The following SOX5 variants were observed in gnomAD, a reference collection of about 807,000 sequenced individuals.
SOX5 encodes transcription factor SOX-5.
In SOX5, 9 loss-of-function variants were observed where a neutral mutation model predicts 92.0. That is an observed-to-expected ratio of 0.10 (90% CI 0.06 to 0.17). The LOEUF is 0.17. Ranked by LOEUF, SOX5 falls within the 10% of genes least tolerant of loss-of-function variation. The pLI, the probability that SOX5 is intolerant of heterozygous loss-of-function variation, is 1.00. For missense variants in SOX5, 642 were observed against 944.5 expected (o/e 0.68, Z 4.20); for synonymous variants, 344 against 336.3 (o/e 1.02, Z -0.25).
In SOX5 at chr12:23,546,554, G is replaced by A. The variant is rs1190990286; in HGVS notation, c.1489-130C>T. 6.8e-5 allele frequency: 41 copies of A among 603,082 alleles called. 1 individual carries two copies. Among genetic ancestry groups the A allele is most frequent in the South Asian group, 3.3e-4 (16 of 48,130 alleles). The allele number at this position is 603,082 out of a possible 1,614,324, so 37.4% of individuals were successfully genotyped here. A position where few individuals can be genotyped will look rare whatever the true frequency, so the allele number is the denominator to read the frequency against. The stretch of plus-strand genomic sequence containing the variant: ...AATGTTGATATATTCACCTTTTTAC[G>A]TTCAGCACATTAACCTGAAGTCATT... On this transcript the variant is annotated intron_variant, in intron 11 of 14. Transcript: ENST00000451604.
At position 23,530,845 on chromosome 12, in the gene SOX5, G is replaced by C. The variant is rs887604220; in HGVS notation, c.*3374C>G. The C allele has an allele frequency of 6.6e-6, 1 of 150,860 alleles. No homozygotes were observed. Among genetic ancestry groups the C allele is most frequent in the East Asian group, 2.0e-4 (1 of 5,036 alleles). The allele number at this position is 150,860 out of a possible 1,614,324, so 9.3% of individuals were successfully genotyped here. ...CGCGCGCGCGCGCGCGCATGTGAGA[G>C]AGAGAGAGAAAGGGAAAGAGATAAA... On this transcript the variant is annotated 3_prime_UTR_variant, in exon 15 of 15. Coordinates refer to ENST00000451604, the MANE Select transcript of SOX5 (RefSeq NM_006940.6).
At chr12:24,049,638 GTTTTTTTTTTTTTTTTTTTT>G (rs527647441) in intron 4 of SOX5, among the ~76,000 whole-genome samples, 65 of 73,776 alleles carry the variant, frequency 8.8e-4, no homozygotes, top group African/African-American at 3.6e-3. Context: ...ATCCTTCATA[GTTTTTTTTTTTTTTTTTTTT>G]TTTTTTTTTT....
chr12:24,546,933 T>A (rs1383061225), intron 1 of SOX5, among the ~76,000 whole-genome samples: 1 of 152,148 alleles, frequency 6.6e-6, no homozygotes, highest in African/African-American at 2.4e-5. Flanking sequence ...CATAGGCCAT[T>A]ATTAGCTCCA....
Position 24,492,947 on chromosome 12 carries a change from G to A in SOX5, c.-251+69382C>T, listed in dbSNP as rs540934690. On this transcript the variant is annotated intron_variant, in intron 1 of 4. Coordinates refer to the SOX5 transcript ENST00000446891. ...TGACTTCTTCAGTTTTTCTGCTCCA[G>A]TAAACAAAATATTTTAATTGCCATG... 9.2e-5 allele frequency among the ~76,000 whole-genome samples: 14 copies of A among 152,188 alleles called. No homozygotes were observed. In the East Asian group the frequency reaches 2.3e-3, roughly 25 times the overall value.
At chr12:23,571,122 C>T (rs574023754) in intron 10 of SOX5, among the ~76,000 whole-genome samples, 24 of 147,508 alleles carry the variant, frequency 1.6e-4, no homozygotes, top group South Asian at 4.3e-4. Flanking sequence ...ACACTCCAGC[C>T]GGGACAACAG....
At chr12:23,922,949 T>C (rs539903901) in intron 1 of SOX5, among the ~76,000 whole-genome samples, 10 of 151,898 alleles carry the variant, frequency 6.6e-5, no homozygotes, top group Middle Eastern at 3.4e-3. Flanking sequence ...CCTTCTTTTT[T>C]TTTTTTTTGT....
At chr12:23,833,825 T>G (rs1051647385) in intron 3 of SOX5, among the ~76,000 whole-genome samples, 2 of 150,326 alleles carry the variant, frequency 1.3e-5, no homozygotes, top group Admixed American at 6.6e-5. Context: ...AAAAGAAGAG[T>G]GTGAGGATAT....
intron 4 of SOX5, among the ~76,000 whole-genome samples, chr12:24,197,831 G>A (rs938614417): frequency 6.6e-6 from 1 of 152,184 alleles, no homozygotes; most frequent in Non-Finnish European, 1.5e-5. Flanking sequence ...TGTCACTCGG[G>A]TTCCTGTTAC....
chr12:24,182,526 G>A (rs1955604338), intron 4 of SOX5, among the ~76,000 whole-genome samples: 1 of 151,350 alleles, frequency 6.6e-6, no homozygotes, highest in African/African-American at 2.4e-5. Context: ...GGATTTTGTT[G>A]TTGTTGATGG....
intron 4 of SOX5, among the ~76,000 whole-genome samples, chr12:24,113,789 G>A (rs1947654604): frequency 1.3e-5 from 2 of 152,178 alleles, no homozygotes; most frequent in African/African-American, 4.8e-5. Context: ...GCAACTGGGT[G>A]CCCTGTTATC....
intron 9 of SOX5, among the ~76,000 whole-genome samples, chr12:23,578,014 A>G (rs1314207689): frequency 2.0e-5 from 3 of 149,010 alleles, no homozygotes; most frequent in African/African-American, 7.4e-5. Flanking sequence ...TCAGCTACTC[A>G]GGAGGCTAAG....
intron 2 of SOX5, among the ~76,000 whole-genome samples, chr12:24,293,520 A>G (rs999344238): frequency 6.6e-6 from 1 of 152,198 alleles, no homozygotes; most frequent in Admixed American, 6.5e-5. Flanking sequence ...AACATAACAT[A>G]CAAATACTTC....
At position 24,054,481 on chromosome 12, in the gene SOX5, C is replaced by G. The variant is rs1350082319; in HGVS notation, c.-1-158457G>C. On this transcript the variant is annotated intron_variant, in intron 4 of 4. Transcript: ENST00000446891. The stretch of plus-strand genomic sequence containing the variant: ...CTTTCTTCTTTGTTTAGAATGCTAC[C>G]CAGGACATGGGTCACACACACAACA... Among the ~76,000 whole-genome samples, 4 of 152,026 alleles carry G rather than the reference C, an allele frequency of 2.6e-5. No homozygotes were observed. In the South Asian group the frequency reaches 6.2e-4, roughly 24 times the overall value.
chr12:24,182,279 G>A (rs76128262), intron 4 of SOX5, among the ~76,000 whole-genome samples: 1 of 152,132 alleles, frequency 6.6e-6, no homozygotes, highest in African/African-American at 2.4e-5. Context: ...AAGGGGAAAG[G>A]TCTTTTCATA....
chr12:24,051,358 T>C lies in SOX5; in HGVS notation c.-1-155334A>G, dbSNP rs886372563. Among the ~76,000 whole-genome samples, 73 of 152,268 alleles carry C rather than the reference T, an allele frequency of 4.8e-4. 1 individual carries two copies. Among genetic ancestry groups the C allele is most frequent in the African/African-American group, 1.7e-3 (69 of 41,564 alleles). ...CCAAGAAACAATCGAGATAGTCTAG[T>C]ACACACACATAAACATAAGCACACA... On this transcript the variant is annotated intron_variant, in intron 4 of 4. Coordinates refer to the SOX5 transcript ENST00000446891.
chr12:23,717,647 C>T (rs572415595), intron 6 of SOX5, among the ~76,000 whole-genome samples: 2 of 152,238 alleles, frequency 1.3e-5, no homozygotes, highest in Admixed American at 1.3e-4. Context: ...TGAGTAGGAG[C>T]AGATCATTAT....
intron 4 of SOX5, among the ~76,000 whole-genome samples, chr12:24,065,444 C>T (rs575726965): frequency 4.6e-5 from 7 of 152,062 alleles, no homozygotes; most frequent in Non-Finnish European, 1.0e-4. Flanking sequence ...GTCAAGACAT[C>T]GAGAACATCC....
chr12:23,645,080 G>C (rs1399331736), intron 7 of SOX5, among the ~76,000 whole-genome samples: 1 of 152,086 alleles, frequency 6.6e-6, no homozygotes, highest in South Asian at 2.1e-4. Flanking sequence ...ACAAAACTTG[G>C]TCTGTATTTA....
chr12:23,916,881 C>A lies in SOX5; in HGVS notation c.39-20857G>T, dbSNP rs150701386. The stretch of plus-strand genomic sequence containing the variant: ...ACTGCCTATGGAATTTCTATCAGGG[C>A]TTTTTAATATCTAAAAAAAAACTAA... On this transcript the variant is annotated intron_variant, in intron 1 of 14. Transcript: ENST00000451604. Among the ~76,000 whole-genome samples the A allele has an allele frequency of 2.7e-4, 41 of 152,086 alleles. No individual in the cohort carries two copies. In the East Asian group the frequency reaches 6.8e-3, roughly 25 times the overall value.
Sources: allele counts gnomAD v4.1 joint callset (sites outside exome capture counted in the v4.1 genomes callset), GRCh38; gene constraint gnomAD v4.1.1; transcripts MANE v1.5; gene names NCBI Gene and HGNC (gene_info 2026-07-23, HGNC 2026-07-21).